Variants in NDUFA12 observed in about 807,000 individuals in gnomAD.
The protein encoded by NDUFA12 is NADH:ubiquinone oxidoreductase subunit A12.
NDUFA12 carries 17 observed loss-of-function variants against 20.3 expected under a neutral mutation model. That is an observed-to-expected ratio of 0.84 (90% CI 0.57 to 1.26). NDUFA12 has a LOEUF of 1.26. Ranked by LOEUF, NDUFA12 falls within the 50% of genes most tolerant of loss-of-function variation. NDUFA12 has a pLI of 0.00. For missense variants in NDUFA12, 191 were observed against 183.7 expected, an observed-to-expected ratio of 1.04 and a Z score of -0.23; for synonymous variants, 72 against 63.6, an observed-to-expected ratio of 1.13 and a Z score of -0.63.
intron 3 of NDUFA12, among the ~76,000 whole-genome samples, chr12:94,989,082 G>C (rs1874548048): frequency 6.6e-6 from 1 of 152,062 alleles, no homozygotes; most frequent in South Asian, 2.1e-4. Context: ...CCTCTGCCTG[G>C]AACGCTTTCT....
At chr12:94,984,314 C>G (rs1453613336) in intron 3 of NDUFA12, among the ~76,000 whole-genome samples, 1 of 152,016 alleles carries the variant, frequency 6.6e-6, no homozygotes, top group African/African-American at 2.4e-5. Flanking sequence ...GTTTCTAATA[C>G]CACTCTCCAC....
At chr12:95,003,217 G>C (rs1268396219) in intron 1 of NDUFA12, among the ~76,000 whole-genome samples, 1 of 152,216 alleles carries the variant, frequency 6.6e-6, no homozygotes, top group Admixed American at 6.5e-5. Flanking sequence ...GTGAATGTCA[G>C]GAAGAGAAGG....
intron 3 of NDUFA12, chr12:94,972,421 G>T (rs929062462): frequency 2.2e-6 from 1 of 450,462 alleles, no homozygotes. Flanking sequence ...GCTAGAGGCC[G>T]ATTCTGGATT....
chr12:95,003,462 G>C (rs763603879), intron 1 of NDUFA12, 133 bp downstream of exon 1: 11 of 939,992 alleles, frequency 1.2e-5, no homozygotes, highest in African/African-American at 3.2e-5. Context: ...GGGTGGCAAG[G>C]CAGAGATTGG....
At position 94,980,534 on chromosome 12, in the gene NDUFA12, T is replaced by C. The variant is rs535016519; in HGVS notation, c.258-8914A>G. Among the ~76,000 whole-genome samples the C allele has an allele frequency of 3.4e-4, 52 of 152,100 alleles. 3 individuals are homozygous for C. In the South Asian group the frequency reaches 0.01, roughly 30 times the overall value. ...GGCCTTTCAAGGGCAAAACCATTTATTAATTTTTCCCTGGGCACAGAAAAA... is the reference window on the plus strand; with the variant it reads ...GGCCTTTCAAGGGCAAAACCATTTACTAATTTTTCCCTGGGCACAGAAAAA... On this transcript the variant is annotated intron_variant, in intron 3 of 3. Coordinates refer to ENST00000327772, the MANE Select transcript of NDUFA12 (RefSeq NM_018838.5).
At chr12:94,996,164 C>T (rs141843203) in intron 2 of NDUFA12, among the ~76,000 whole-genome samples, 10 of 152,036 alleles carry the variant, frequency 6.6e-5, no homozygotes, top group African/African-American at 2.2e-4. Flanking sequence ...GCCGAGATCA[C>T]ACCACTGCAT....
At chr12:94,992,897 A>C (rs1395442180) in intron 3 of NDUFA12, among the ~76,000 whole-genome samples, 3 of 152,220 alleles carry the variant, frequency 2.0e-5, no homozygotes, top group Non-Finnish European at 4.4e-5. Context: ...CCCAAAAAAA[A>C]ACTATGGAGA....
At chr12:94,995,530 T>C (rs1478373327) in intron 2 of NDUFA12, among the ~76,000 whole-genome samples, 1 of 152,144 alleles carries the variant, frequency 6.6e-6, no homozygotes, top group Admixed American at 6.5e-5. Flanking sequence ...CTTTATTTAT[T>C]TATTTATTTA....
At chr12:94,977,624 A>C (rs188795223) in intron 3 of NDUFA12, among the ~76,000 whole-genome samples, 1 of 152,312 alleles carries the variant, frequency 6.6e-6, no homozygotes, top group East Asian at 1.9e-4. Flanking sequence ...GCTATAAAGG[A>C]GTAGCAGAAG....
intron 2 of NDUFA12, among the ~76,000 whole-genome samples, chr12:94,995,103 G>A (rs1874776577): frequency 6.6e-6 from 1 of 152,088 alleles, no homozygotes; most frequent in East Asian, 1.9e-4. Context: ...TGCCAATAGG[G>A]AACACTGAAT....
intron 3 of NDUFA12, among the ~76,000 whole-genome samples, chr12:94,988,551 A>C (rs994523668): frequency 6.6e-6 from 1 of 152,218 alleles, no homozygotes; most frequent in Non-Finnish European, 1.5e-5. Context: ...ATTCTCCCTG[A>C]GGCCTGAAAG....
intron 2 of NDUFA12, chr12:94,997,191 A>G: frequency 7.8e-6 from 1 of 127,880 alleles, no homozygotes; most frequent in Middle Eastern, 4.3e-3. Flanking sequence ...ACATACACAC[A>G]CACACGCACA....
At chr12:94,986,521 A>G (rs1318549104) in intron 3 of NDUFA12, among the ~76,000 whole-genome samples, 1 of 152,222 alleles carries the variant, frequency 6.6e-6, no homozygotes, top group Non-Finnish European at 1.5e-5. Flanking sequence ...ATCATTCCAC[A>G]ATGTAAACAT....
Position 94,971,380 on chromosome 12 carries a change from A to G in NDUFA12, c.*60T>C, listed in dbSNP as rs1410766883. On this transcript the variant is annotated 3_prime_UTR_variant, in exon 4 of 4. Coordinates refer to ENST00000327772, the MANE Select transcript of NDUFA12 (RefSeq NM_018838.5). Reference sequence around the variant, plus strand: ...TGAATTATAGTGAATGGTAAACAGTAAAAGAGTAATTACATGAAAAGCTCC... The same window carrying G: ...TGAATTATAGTGAATGGTAAACAGTGAAAGAGTAATTACATGAAAAGCTCC... 2.0e-6 allele frequency: 3 copies of G among 1,522,156 alleles called. No homozygotes were observed. The highest frequency in any genetic ancestry group is 2.7e-5 in the African/African-American group (2 of 72,896). 94.3% of individuals were successfully genotyped at this position (1,522,156 alleles called of 1,614,324 possible).
At chr12:94,981,412 A>AACTC (rs1874237333) in intron 3 of NDUFA12, among the ~76,000 whole-genome samples, 1 of 152,188 alleles carries the variant, frequency 6.6e-6, no homozygotes, top group African/African-American at 2.4e-5. Context: ...CGCACCACTG[A>AACTC]ACTCCAGCCT....
At chr12:94,977,570 G>A (rs888375285) in intron 3 of NDUFA12, among the ~76,000 whole-genome samples, 10 of 151,906 alleles carry the variant, frequency 6.6e-5, no homozygotes, top group Non-Finnish European at 1.2e-4. Context: ...GGTTGAAATT[G>A]CAATGTAATT....
chr12:94,996,834 AATT>A, intron 2 of NDUFA12: 1 of 206,784 alleles, frequency 4.8e-6, no homozygotes. Context: ...AAAAAAAAAA[AATT>A]AAAGAAAGGA....
At chr12:94,971,672 T>G (rs1191661497) in intron 3 of NDUFA12, 52 bp from the exon 4 acceptor site, 1 of 1,598,670 alleles carries the variant, frequency 6.3e-7, no homozygotes, top group Non-Finnish European at 8.6e-7. Context: ...TACAGCATAG[T>G]GGAAGGACGG....
chr12:94,992,835 C>G (rs1188673334), intron 3 of NDUFA12, among the ~76,000 whole-genome samples: 2 of 152,100 alleles, frequency 1.3e-5, no homozygotes, highest in Non-Finnish European at 2.9e-5. Context: ...AGACATCAGA[C>G]ATCTAGGAGC....
Sources: gnomAD v4.1 joint callset for allele counts (sites outside exome capture counted in the v4.1 genomes callset) on GRCh38, gnomAD v4.1.1 for gene constraint, MANE v1.5 for transcripts, NCBI Gene and HGNC (gene_info 2026-07-23, HGNC 2026-07-21) for gene names.